ALMS1: variants seen among roughly 807,000 people sequenced by gnomAD.
ALMS1 encodes the protein centrosome-associated protein ALMS1.
A neutral mutation model predicts 352.2 loss-of-function variants in ALMS1; 271 were observed. That is an observed-to-expected ratio of 0.77 (90% confidence interval 0.70 to 0.85). The LOEUF is 0.85. Among genes scored for constraint, ALMS1 ranks in the 40% least tolerant of loss-of-function variants. ALMS1 has a pLI of 0.00. For missense variants in ALMS1, 5,445 were observed against 4,870.7 expected, an observed-to-expected ratio of 1.12 and a Z score of -3.51; for synonymous variants, 1,865 against 1,761.2, an observed-to-expected ratio of 1.06 and a Z score of -1.48.
At chr2:73,601,771 C>T (rs903205499) in intron 19 of ALMS1, among the ~76,000 whole-genome samples, 2 of 152,246 alleles carry the variant, frequency 1.3e-5, no homozygotes, top group South Asian at 2.1e-4. Context: ...GTGTGTTCCT[C>T]CATGTCCGTA....
At chr2:73,481,089 C>A (rs1403243522) in intron 9 of ALMS1, among the ~76,000 whole-genome samples, 1 of 151,974 alleles carries the variant, frequency 6.6e-6, no homozygotes, top group East Asian at 1.9e-4. Context: ...AATTAGATCC[C>A]ATTTGTCAAT....
At chr2:73,595,768 C>T (rs1035896373) in intron 16 of ALMS1, among the ~76,000 whole-genome samples, 6 of 152,142 alleles carry the variant, frequency 3.9e-5, no homozygotes, top group African/African-American at 7.2e-5. Context: ...GTGAGGGTTT[C>T]GGTTTCTCCA....
Position 73,601,199 on chromosome 2 carries a change from T to G in ALMS1, c.11877T>G (p.Val3959=). 1 of 1,614,180 alleles carries G rather than the reference T, an allele frequency of 6.2e-7. No homozygotes were observed. The highest frequency in any genetic ancestry group is 8.5e-7 in the Non-Finnish European group (1 of 1,180,020). Reference sequence around the variant, plus strand: ...TCTAAAAACTGTTTCCTGTAGGAGTTTCCTGGTTTGTTCCTGTGGAAAATG... The same window carrying G: ...TCTAAAAACTGTTTCCTGTAGGAGTGTCCTGGTTTGTTCCTGTGGAAAATG... ...KKNKKNSHEG[V]SWFVPVENVE... Residue 3959 remains valine (V), a synonymous_variant, in exon 19 of 23, where the codon GTT becomes GTG. Transcript: ENST00000613296.
intron 20 of ALMS1, among the ~76,000 whole-genome samples, chr2:73,602,980 T>G (rs546422520): frequency 6.6e-6 from 1 of 152,342 alleles, no homozygotes; most frequent in South Asian, 2.1e-4. Flanking sequence ...ACTACCTAAT[T>G]CTTTTATCCA....
At position 73,581,445 on chromosome 2, in the gene ALMS1, T is replaced by A. The variant is rs1192254840; in HGVS notation, c.11547+8021T>A. On this transcript the variant is annotated intron_variant, in intron 16 of 22. Transcript: ENST00000613296. ...CCTACATCAGGACCAAGGGCTGCCG[T>A]CTTTAAGACCACCATGCTGGGTAAG... Among the ~76,000 whole-genome samples, 4 of 152,308 alleles carry A rather than the reference T, an allele frequency of 2.6e-5. No individual in the cohort carries two copies. In the East Asian group the frequency reaches 5.8e-4, roughly 22 times the overall value.
intron 11 of ALMS1, among the ~76,000 whole-genome samples, chr2:73,525,724 G>A (rs11893899): frequency 4.0e-5 from 6 of 151,622 alleles, no homozygotes; most frequent in East Asian, 1.9e-4. Flanking sequence ...CCTCCTATTC[G>A]GTGGTTTGTC....
chr2:73,434,754 A>G (rs936553101), intron 7 of ALMS1, among the ~76,000 whole-genome samples: 1 of 152,212 alleles, frequency 6.6e-6, no homozygotes, highest in African/African-American at 2.4e-5. Flanking sequence ...ACATATTTTG[A>G]CATTATGATG....
At chr2:73,458,421 T>C (rs1462695402) in intron 9 of ALMS1, 3 of 152,172 alleles carry the variant, frequency 2.0e-5, no homozygotes, top group Non-Finnish European at 2.9e-5. Flanking sequence ...ATGCCTGATA[T>C]GCGCCATCCT....
chr2:73,606,609 T>G (rs1675823588), intron 21 of ALMS1, among the ~76,000 whole-genome samples: 1 of 152,218 alleles, frequency 6.6e-6, no homozygotes, highest in Admixed American at 6.5e-5. Flanking sequence ...TTAGGTTGCT[T>G]CTGTTCATGT....
intron 6 of ALMS1, among the ~76,000 whole-genome samples, 158 bp downstream of exon 6, chr2:73,426,711 A>G (rs1671387052): frequency 6.6e-6 from 1 of 152,192 alleles, no homozygotes; most frequent in Non-Finnish European, 1.5e-5. Flanking sequence ...AGCTTTAGAG[A>G]AATTTCATGG....
At chr2:73,564,595 G>A (rs1314728708) in intron 15 of ALMS1, among the ~76,000 whole-genome samples, 2 of 151,662 alleles carry the variant, frequency 1.3e-5, no homozygotes, top group Admixed American at 6.6e-5. Flanking sequence ...GAAACCCTGA[G>A]ACTTAAGCAA....
intron 17 of ALMS1, 79 bp from the exon 18 acceptor site, chr2:73,600,599 G>A: frequency 2.3e-6 from 3 of 1,309,090 alleles, no homozygotes; most frequent in Non-Finnish European, 3.2e-6. Flanking sequence ...ATTAAAAAGG[G>A]TTCACGTACT....
chr2:73,448,791 A>C lies in ALMS1; in HGVS notation c.2264A>C (p.Glu755Ala). The C allele has an allele frequency of 6.2e-7, 1 of 1,613,854 alleles. No individual in the cohort carries two copies. The highest frequency in any genetic ancestry group is 8.5e-7 in the Non-Finnish European group (1 of 1,179,898). ...ATPGPADQKT[E>A]IPAVQSSSYS... ...CCTGGACCAGCTGACCAGAAGACTG[A>C]GATACCAGCAGTACAGTCTAGTTCT... Residue 755 changes from glutamate to alanine, a missense_variant, in exon 8 of 23, where the codon GAG (glutamate) becomes GCG (alanine). Transcript: ENST00000613296.
At position 73,452,349 on chromosome 2, in the gene ALMS1, A is replaced by G. The variant is rs374676136; in HGVS notation, c.5822A>G (p.Tyr1941Cys). Reference sequence around the variant, plus strand: ...ATACCAACAGTACCTTTAAGTTACTACTCACGTAGAGAGAAGCCCAGTGTT... The same window carrying G: ...ATACCAACAGTACCTTTAAGTTACTGCTCACGTAGAGAGAAGCCCAGTGTT... ...TEIPTVPLSY[Y>C]SRREKPSVIS... is the part of the protein sequence containing the mutation. Residue 1941 changes from tyrosine (Y) to cysteine (C), a missense_variant, in exon 8 of 23, where the codon TAC becomes TGC. Physicochemically the swap from Tyr to Cys is radical, Grantham distance 194. Transcript: ENST00000613296. 6.2e-7 allele frequency: 1 copy of G among 1,614,074 alleles called. No individual in the cohort carries two copies. Among genetic ancestry groups the G allele is most frequent in the South Asian group, 1.1e-5 (1 of 91,074 alleles).
At chr2:73,565,961 A>G (rs1287862978) in intron 15 of ALMS1, among the ~76,000 whole-genome samples, 1 of 152,202 alleles carries the variant, frequency 6.6e-6, no homozygotes, top group Non-Finnish European at 1.5e-5. Flanking sequence ...TGGAACAGAA[A>G]AAGAACAGTA....
chr2:73,581,762 T>C (rs1457305340), intron 16 of ALMS1, among the ~76,000 whole-genome samples: 3 of 152,012 alleles, frequency 2.0e-5, no homozygotes, highest in African/African-American at 7.2e-5. Flanking sequence ...CTTTTTTTTT[T>C]TTTTGAGACG....
intron 11 of ALMS1, among the ~76,000 whole-genome samples, chr2:73,522,016 A>G (rs750090200): frequency 4.6e-5 from 7 of 151,858 alleles, no homozygotes; most frequent in Non-Finnish European, 7.4e-5. Flanking sequence ...GTCTGAATTA[A>G]CAAGTTCCTC....
chr2:73,506,275 T>C (rs1673318532), intron 10 of ALMS1, among the ~76,000 whole-genome samples: 1 of 152,218 alleles, frequency 6.6e-6, no homozygotes, highest in Admixed American at 6.5e-5. Context: ...ATACGGGCTC[T>C]TTTTTGGTTC....
At chr2:73,526,246 G>A (rs562406080) in intron 11 of ALMS1, among the ~76,000 whole-genome samples, 2 of 152,234 alleles carry the variant, frequency 1.3e-5, no homozygotes, top group South Asian at 2.1e-4. Flanking sequence ...GCTTAAGATA[G>A]CTTTGTCTAT....
Sources: allele counts gnomAD v4.1 joint callset (sites outside exome capture counted in the v4.1 genomes callset), GRCh38; gene constraint gnomAD v4.1.1; transcripts MANE v1.5; gene names NCBI Gene and HGNC (gene_info 2026-07-23, HGNC 2026-07-21).